Variants in PTBP1 observed in about 807,000 individuals in gnomAD.
The protein encoded by PTBP1 is polypyrimidine tract binding protein 1, also known as polypyrimidine tract-binding protein 1.
A neutral mutation model predicts 59.8 loss-of-function variants in PTBP1; 8 were observed. That is an observed-to-expected ratio of 0.13 (90% confidence interval 0.08 to 0.24). The LOEUF (loss-of-function observed/expected upper bound fraction) is 0.24, where lower values mean the gene tolerates loss of function less well. Among genes scored for constraint, PTBP1 ranks in the 10% least tolerant of loss-of-function variants. The pLI, the probability that PTBP1 is intolerant of heterozygous loss-of-function variation, is 1.00. For synonymous variants in PTBP1, 490 were observed against 320.7 expected (o/e 1.53, Z -5.64); for missense variants, 686 against 767.0 (o/e 0.89, Z 1.25).
intron 10 of PTBP1, 123 bp downstream of exon 10, chr19:806,679 C>T (rs1324700210): frequency 2.2e-5 from 20 of 926,316 alleles, no homozygotes; most frequent in Non-Finnish European, 2.9e-5. Context: ...GCCCTGGCAG[C>T]CCCTCTGCTG....
Position 808,464 on chromosome 19 carries a change from G to A in PTBP1, c.1246+12G>A, listed in dbSNP as rs2034681335. The A allele has an allele frequency of 1.9e-6, 3 of 1,584,394 alleles. No homozygotes were observed. Among genetic ancestry groups the A allele is most frequent in the Non-Finnish European group, 8.6e-7 (1 of 1,166,828 alleles). On this transcript the variant is annotated intron_variant, in intron 12 of 14. Coordinates refer to ENST00000356948, the MANE Select transcript of PTBP1 (RefSeq NM_002819.5). The surrounding 1 kb of genome is among the most constrained non-coding windows in gnomAD (Gnocchi z 4.7). ...CCAGGCCCAGCTGGGTAAGAGGCCG[G>A]GGCGGCCCCGGGGTGGAGGGGGCAG...
chr19:801,262 C>T (rs775357847), intron 2 of PTBP1, among the ~76,000 whole-genome samples: 14 of 152,306 alleles, frequency 9.2e-5, no homozygotes, highest in East Asian at 1.9e-4. Flanking sequence ...GCAGTGGAGG[C>T]GCTAGGCCCA....
intron 9 of PTBP1, chr19:806,193 C>CCCGTGCTGTGAGGAGAGG: frequency 2.0e-6 from 1 of 495,290 alleles, no homozygotes; most frequent in East Asian, 3.7e-5. Flanking sequence ...CCCGGCCCGG[C>CCCGTGCTGTGAGGAGAGG]CCGTGCTGTG....
At chr19:807,301 G>T (rs575663392) in intron 10 of PTBP1, 2 of 153,428 alleles carry the variant, frequency 1.3e-5, no homozygotes, top group African/African-American at 4.8e-5. Context: ...CAGCGCTGCT[G>T]CAGGGCTTGG....
intron 2 of PTBP1, among the ~76,000 whole-genome samples, chr19:800,101 ATTTTT>A (rs35076364): frequency 2.3e-5 from 3 of 131,480 alleles, no homozygotes; most frequent in African/African-American, 5.6e-5. Context: ...TAATTTTTGT[ATTTTT>A]TTTTTTTTTT....
In PTBP1 at chr19:810,910, C is replaced by T. The variant is rs1399011159; in HGVS notation, c.*84C>T. 16 of 1,264,022 alleles carry T rather than the reference C, an allele frequency of 1.3e-5. No individual in the cohort carries two copies. Among genetic ancestry groups the T allele is most frequent in the East Asian group, 2.7e-5 (1 of 36,814 alleles). The allele number at this position is 1,264,022 out of a possible 1,614,324, so 78.3% of individuals were successfully genotyped here. On this transcript the variant is annotated 3_prime_UTR_variant, in exon 15 of 15. Transcript: ENST00000356948. ...GCCACTTTAAAAACAGCTGAAGTGA[C>T]CTTAGCAGACCAGAGATTTTATTTT...
intron 2 of PTBP1, among the ~76,000 whole-genome samples, chr19:799,653 C>G (rs903201567): frequency 1.3e-5 from 2 of 152,224 alleles, no homozygotes; most frequent in Non-Finnish European, 2.9e-5. Flanking sequence ...TTGCTGGCCG[C>G]CCCTCAGGTC....
chr19:803,915 G>A, intron 3 of PTBP1, 121 bp from the exon 4 acceptor site: 1 of 1,201,210 alleles, frequency 8.3e-7, no homozygotes, highest in Admixed American at 2.0e-5. Context: ...TGGTTCACAT[G>A]CACCCTCCTG....
At chr19:807,994 C>A in intron 11 of PTBP1, 92 bp downstream of exon 11, 1 of 1,173,800 alleles carries the variant, frequency 8.5e-7, no homozygotes, top group Non-Finnish European at 1.3e-6. Context: ...CGGTTTGGCA[C>A]TCTGATGCTC....
chr19:799,250 G>A lies in PTBP1; in HGVS notation c.9-163G>A, dbSNP rs200315930. ...AGTCAAGTGGACGGCTCACTTCCCT[G>A]CCCTTCTGAGCTTTCTCTAGCGGGG... On this transcript the variant is annotated intron_variant, in intron 1 of 14. Transcript: ENST00000356948. The A allele has an allele frequency of 1.2e-4, 95 of 765,806 alleles. No individual in the cohort carries two copies. The East Asian group carries it at 2.2e-3, about 17-fold the overall frequency. The allele number at this position is 765,806 out of a possible 1,614,324, so 47.4% of individuals were successfully genotyped here. A position where few individuals can be genotyped will look rare whatever the true frequency, so the allele number is the denominator to read the frequency against.
Position 811,391 on chromosome 19 carries a change from TC to T in PTBP1, c.*569del, listed in dbSNP as rs1281543981. The T allele has an allele frequency of 1.3e-5, 2 of 152,436 alleles. No individual in the cohort carries two copies. The highest frequency in any genetic ancestry group is 2.9e-5 in the Non-Finnish European group (2 of 68,096). 9.4% of individuals were successfully genotyped at this position (152,436 alleles called of 1,614,324 possible). On this transcript the variant is annotated 3_prime_UTR_variant, in exon 15 of 15. Coordinates refer to ENST00000356948, the MANE Select transcript of PTBP1 (RefSeq NM_002819.5). ...CCTTCCCTTCTGCCCCCAGGCGGGC[TC>T]CCCGCTGCTCCAGCTGCGGAGCTGG...
At chr19:801,057 C>G (rs1032954587) in intron 2 of PTBP1, among the ~76,000 whole-genome samples, 6 of 151,846 alleles carry the variant, frequency 4.0e-5, no homozygotes, top group Admixed American at 3.9e-4. Context: ...GACCTGGGCC[C>G]ACACCTGGCT....
At chr19:805,272 C>T (rs539957775) in intron 8 of PTBP1, 85 bp downstream of exon 8, 1 of 1,487,380 alleles carries the variant, frequency 6.7e-7, no homozygotes, top group African/African-American at 1.4e-5. Flanking sequence ...ACGGGCCCGG[C>T]CCTGCACCAG....
At chr19:801,594 G>C (rs988110761) in intron 2 of PTBP1, among the ~76,000 whole-genome samples, 3 of 152,246 alleles carry the variant, frequency 2.0e-5, no homozygotes, top group African/African-American at 7.2e-5. Flanking sequence ...CCACTCTCCA[G>C]CTTGGGGGAG....
intron 2 of PTBP1, among the ~76,000 whole-genome samples, chr19:802,030 C>T (rs1027627058): frequency 2.0e-5 from 3 of 152,188 alleles, no homozygotes; most frequent in African/African-American, 7.2e-5. Flanking sequence ...GGGTGGGCGC[C>T]GGGCCTGTGG....
In PTBP1 at chr19:811,326, A is replaced by T. The variant is rs2034859496; in HGVS notation, c.*500A>T. 1.3e-5 allele frequency: 2 copies of T among 152,422 alleles called. No homozygotes were observed. The highest frequency in any genetic ancestry group is 2.9e-5 in the Non-Finnish European group (2 of 68,162). 9.4% of individuals were successfully genotyped at this position (152,422 alleles called of 1,614,324 possible). ...TGCGACACCCCAACCCCAGCCCTCT[A>T]ATCAAGTCACGTGATTCTCCCTTCA... On this transcript the variant is annotated 3_prime_UTR_variant, in exon 15 of 15. Transcript: ENST00000356948.
intron 10 of PTBP1, 122 bp from the exon 11 acceptor site, chr19:807,747 C>A: frequency 1.4e-6 from 1 of 725,966 alleles, no homozygotes; most frequent in Non-Finnish European, 2.4e-6. Flanking sequence ...ACAACTTCAT[C>A]ATCCATCAAC....
chr19:807,910 A>G lies in PTBP1; in HGVS notation c.1153+8A>G, dbSNP rs2034652394. ...GCCTCTTTATTCTTTTCGGTATGTT[A>G]TCGTTCACACTTTTATTACCTTGTT... On this transcript the variant is annotated splice_region_variant and intron_variant, in intron 11 of 14. Coordinates refer to ENST00000356948, the MANE Select transcript of PTBP1 (RefSeq NM_002819.5). The G allele has an allele frequency of 6.2e-7, 1 of 1,609,408 alleles. No individual in the cohort carries two copies. The highest frequency in any genetic ancestry group is 1.3e-5 in the African/African-American group (1 of 74,804).
At position 805,165 on chromosome 19, in the gene PTBP1, C is replaced by G; in HGVS notation, c.870C>G (p.Asp290Glu). 2.5e-6 allele frequency: 4 copies of G among 1,613,586 alleles called. No individual in the cohort carries two copies. Among genetic ancestry groups the G allele is most frequent in the South Asian group, 2.2e-5 (2 of 91,090 alleles). ...LPSGDSQPSL[D>E]QTMAAAFGAP... ...CCGGGGACAGCCAGCCCTCGCTGGA[C>G]CAGACCATGGCCGCGGCCTTCGGTA... Residue 290 changes from aspartate (D) to glutamate (E), a missense_variant, in exon 8 of 15, where the codon GAC becomes GAG. Transcript: ENST00000356948.
Sources: allele counts gnomAD v4.1 joint callset (sites outside exome capture counted in the v4.1 genomes callset), GRCh38; gene constraint gnomAD v4.1.1; non-coding constraint Gnocchi (gnomAD v3.1); transcripts MANE v1.5; gene names NCBI Gene and HGNC (gene_info 2026-07-23, HGNC 2026-07-21).